The following RNLS variants were observed in gnomAD, a reference collection of about 807,000 sequenced individuals.
The protein encoded by RNLS is renalase, FAD dependent amine oxidase.
RNLS carries 39 observed loss-of-function variants against 39.8 expected under a neutral mutation model. The observed-to-expected ratio is 0.98, with a 90% CI of 0.76 to 1.28. RNLS has a LOEUF of 1.28. Ranked by LOEUF, RNLS falls within the 50% of genes most tolerant of loss-of-function variation. The probability of loss-of-function intolerance (pLI) is 0.00; values close to 1 mark genes in which losing one functional copy is unlikely to be tolerated. For missense variants in RNLS, 410 were observed against 413.3 expected (o/e 0.99, Z 0.07); for synonymous variants, 147 against 150.7 (o/e 0.98, Z 0.18).
chr10:88,462,323 C>T (rs532496650), intron 4 of RNLS, among the ~76,000 whole-genome samples: 1 of 152,050 alleles, frequency 6.6e-6, no homozygotes, highest in Admixed American at 6.6e-5. Flanking sequence ...ATAGGGTATC[C>T]ATCACCTTAA....
chr10:88,270,760 G>A (rs963735672), downstream of RNLS, among the ~76,000 whole-genome samples: 4 of 152,044 alleles, frequency 2.6e-5, no homozygotes, highest in Non-Finnish European at 5.9e-5. Flanking sequence ...AATACTAATA[G>A]TTCACCACCG....
intron 4 of RNLS, among the ~76,000 whole-genome samples, chr10:88,564,997 G>A (rs991551718): frequency 4.6e-5 from 7 of 152,152 alleles, no homozygotes; most frequent in Non-Finnish European, 1.0e-4. Flanking sequence ...TAGAAAGAGA[G>A]AGAAAGAGAA....
rs969299615 is a variant in RNLS at position 88,343,512 on chromosome 10, T to C, written c.700+19040A>G. 3 of 952,846 alleles carry C rather than the reference T, an allele frequency of 3.1e-6. No individual in the cohort carries two copies. The African/African-American group carries it at 5.3e-5, about 17-fold the overall frequency. 59.0% of individuals were successfully genotyped at this position (952,846 alleles called of 1,614,324 possible). ...AACGTAAGTTTGATCTTAACATATA[T>C]ATATATTTTCCAAAAACAACAAAAA... is the stretch of plus-strand genomic sequence containing the variant. On this transcript the variant is annotated intron_variant, in intron 5 of 6. Transcript: ENST00000331772.
intron 2 of RNLS, 142 bp downstream of exon 2, chr10:88,582,060 C>T: frequency 1.6e-6 from 1 of 617,326 alleles, no homozygotes; most frequent in African/African-American, 1.9e-5. Flanking sequence ...CAGCTAGTTG[C>T]CTTCTTCCAT....
At chr10:88,505,359 G>A (rs149158366) in intron 4 of RNLS, among the ~76,000 whole-genome samples, 3 of 151,326 alleles carry the variant, frequency 2.0e-5, no homozygotes, top group East Asian at 2.0e-4. Flanking sequence ...AGGAGGAAAG[G>A]TAGAGGAAGA....
At chr10:88,459,848 G>A (rs2133932891) in intron 4 of RNLS, among the ~76,000 whole-genome samples, 1 of 152,250 alleles carries the variant, frequency 6.6e-6, no homozygotes, top group African/African-American at 2.4e-5. Context: ...ACCTTTAACA[G>A]CACTAAATGG....
chr10:88,172,500 C>A, the RNLS span, among the ~76,000 whole-genome samples: 1 of 152,010 alleles, frequency 6.6e-6, no homozygotes, highest in Admixed American at 6.5e-5. Context: ...CTATTCAGAT[C>A]CTTTCTCCAT....
chr10:88,203,266 A>ATGTG, the RNLS span, among the ~76,000 whole-genome samples: 4 of 10,138 alleles, frequency 3.9e-4, 2 homozygotes, highest in East Asian at 7.9e-3. Flanking sequence ...GTGTGTGTGT[A>ATGTG]TGTATATATA....
At chr10:88,230,146 A>C in the RNLS span, among the ~76,000 whole-genome samples, 9 of 152,162 alleles carry the variant, frequency 5.9e-5, no homozygotes, top group African/African-American at 1.9e-4. Flanking sequence ...GGCCACTTAG[A>C]AGAGGCTGAA....
chr10:88,393,916 A>T (rs977794320), intron 4 of RNLS, among the ~76,000 whole-genome samples: 1 of 152,222 alleles, frequency 6.6e-6, no homozygotes, highest in Non-Finnish European at 1.5e-5. Flanking sequence ...GATCTTTGAC[A>T]AACCTGACAA....
the RNLS span, among the ~76,000 whole-genome samples, chr10:88,177,056 A>C: frequency 1.3e-5 from 2 of 152,196 alleles, no homozygotes; most frequent in Non-Finnish European, 2.9e-5. Flanking sequence ...AATATGTCTC[A>C]GAGAGGTCCT....
At chr10:88,448,890 T>C (rs753559470) in intron 4 of RNLS, among the ~76,000 whole-genome samples, 71 of 152,248 alleles carry the variant, frequency 4.7e-4, no homozygotes, top group Admixed American at 8.5e-4. Context: ...CTCAGCAAAC[T>C]ATGGCAAAGA....
chr10:88,443,497 G>A (rs1841848966), intron 4 of RNLS, among the ~76,000 whole-genome samples: 1 of 152,204 alleles, frequency 6.6e-6, no homozygotes, highest in Non-Finnish European at 1.5e-5. Context: ...CACCGAGCGT[G>A]AGCCGAAGCA....
At chr10:88,511,472 G>T (rs1390517284) in intron 4 of RNLS, among the ~76,000 whole-genome samples, 1 of 152,084 alleles carries the variant, frequency 6.6e-6, no homozygotes. Context: ...CAAGCAGGTG[G>T]AATTCCTGAG....
intron 4 of RNLS, among the ~76,000 whole-genome samples, chr10:88,438,704 G>C (rs564849264): frequency 1.1e-4 from 16 of 152,256 alleles, no homozygotes; most frequent in African/African-American, 3.4e-4. Flanking sequence ...AAGAATAAAA[G>C]AATACAGGTG....
intron 4 of RNLS, among the ~76,000 whole-genome samples, chr10:88,481,037 T>C (rs1470558148): frequency 5.3e-5 from 8 of 152,166 alleles, no homozygotes; most frequent in Non-Finnish European, 2.9e-5. Flanking sequence ...ATAATTTTTG[T>C]ATATTCCTGG....
chr10:88,543,701 G>T (rs965444836), intron 4 of RNLS, among the ~76,000 whole-genome samples: 1 of 152,118 alleles, frequency 6.6e-6, no homozygotes, highest in Non-Finnish European at 1.5e-5. Flanking sequence ...ATAATAAAAT[G>T]CAAGACATGC....
chr10:88,194,099 G>A, the RNLS span, among the ~76,000 whole-genome samples: 1 of 152,212 alleles, frequency 6.6e-6, no homozygotes, highest in East Asian at 1.9e-4. Context: ...TTTTGGGCAT[G>A]TGGAAATGGG....
At chr10:88,538,959 A>G (rs1847910608) in intron 4 of RNLS, among the ~76,000 whole-genome samples, 1 of 152,132 alleles carries the variant, frequency 6.6e-6, no homozygotes, top group African/African-American at 2.4e-5. Flanking sequence ...CTGCTTCCAT[A>G]AACAATATTA....
Sources: allele counts gnomAD v4.1 joint callset (sites outside exome capture counted in the v4.1 genomes callset), GRCh38; gene constraint gnomAD v4.1.1; transcripts MANE v1.5; gene names NCBI Gene and HGNC (gene_info 2026-07-23, HGNC 2026-07-21).